FAM171B: variants seen among roughly 807,000 people sequenced by gnomAD.
FAM171B encodes protein FAM171B.
FAM171B carries 19 observed loss-of-function variants against 75.6 expected under a neutral mutation model. The observed-to-expected ratio is 0.25, with a 90% confidence interval of 0.18 to 0.37. The LOEUF (loss-of-function observed/expected upper bound fraction) is 0.37. FAM171B is among the 10% of genes least tolerant of loss of function. FAM171B has a pLI of 1.00. For synonymous variants in FAM171B, 367 were observed against 361.7 expected (o/e 1.01, Z -0.17); for missense variants, 848 against 982.4 (o/e 0.86, Z 1.83).
chr2:186,756,568 C>A (rs1270585912), intron 6 of FAM171B, among the ~76,000 whole-genome samples: 1 of 152,168 alleles, frequency 6.6e-6, no homozygotes, highest in Non-Finnish European at 1.5e-5. Context: ...CTCTTCCTGG[C>A]TTCTAGATGG....
At chr2:186,711,061 TTTAA>T (rs1689803820) in intron 1 of FAM171B, among the ~76,000 whole-genome samples, 1 of 152,150 alleles carries the variant, frequency 6.6e-6, no homozygotes, top group Non-Finnish European at 1.5e-5. Context: ...ACTAAAAACT[TTTAA>T]ATAAGTGATG....
At position 186,751,304 on chromosome 2, in the gene FAM171B, G is replaced by A. The variant is rs770694885; in HGVS notation, c.895G>A (p.Gly299Ser). 2 of 1,558,048 alleles carry A rather than the reference G, an allele frequency of 1.3e-6. No homozygotes were observed. Among genetic ancestry groups the A allele is most frequent in the South Asian group, 2.4e-5 (2 of 81,714 alleles). Residue 299 changes from glycine to serine, a missense_variant and splice_region_variant, in exon 5 of 8, where the codon GGT (glycine) becomes AGT (serine). Transcript: ENST00000304698. ...TGCTTGGACATTTGATATGAACACA[G>A]GTATGTGAGCTAGGTTAAAATAGTC... Reference protein sequence around the residue: ...IPAWTFDMNTGAWVNHGRGMV... With the variant: ...IPAWTFDMNTSAWVNHGRGMV...
chr2:186,735,375 C>G (rs913915657), intron 1 of FAM171B, among the ~76,000 whole-genome samples: 15 of 152,260 alleles, frequency 9.9e-5, no homozygotes, highest in South Asian at 2.1e-4. Context: ...ATTAAAAAAC[C>G]TGAAAAGACA....
At chr2:186,750,129 A>G (rs994771802) in intron 4 of FAM171B, among the ~76,000 whole-genome samples, 3 of 152,216 alleles carry the variant, frequency 2.0e-5, no homozygotes, top group Non-Finnish European at 4.4e-5. Flanking sequence ...AAAAGTGTAG[A>G]CCAAAAGCAA....
Position 186,751,150 on chromosome 2 carries a change from A to G in FAM171B, c.741A>G (p.Glu247=), listed in dbSNP as rs1200883557. ...CTTTTATAGGTTTTGAAAACATTGA[A>G]TTGACTCCTCTTGCTGCAATATGTG... The part of the protein sequence containing the change: ...TLNKPGFENI[E]LTPLAAICVK... Residue 247 remains glutamate, a synonymous_variant, in exon 5 of 8, where the codon GAA becomes GAG. Coordinates refer to ENST00000304698, the MANE Select transcript of FAM171B (RefSeq NM_177454.4). 1 of 1,603,292 alleles carries G rather than the reference A, an allele frequency of 6.2e-7. No individual in the cohort carries two copies. Among genetic ancestry groups the G allele is most frequent in the South Asian group, 1.1e-5 (1 of 89,664 alleles).
At chr2:186,710,765 A>G (rs372667830) in intron 1 of FAM171B, among the ~76,000 whole-genome samples, 80 of 152,306 alleles carry the variant, frequency 5.3e-4, no homozygotes, top group African/African-American at 1.9e-3. Context: ...AATTGTTTAT[A>G]ATGAATACTT....
At chr2:186,724,242 A>G (rs1368468609) in intron 1 of FAM171B, among the ~76,000 whole-genome samples, 1 of 152,160 alleles carries the variant, frequency 6.6e-6, no homozygotes, top group Non-Finnish European at 1.5e-5. Context: ...GATATTTTAT[A>G]TATCTGGAGC....
intron 1 of FAM171B, among the ~76,000 whole-genome samples, chr2:186,695,582 G>T (rs184951000): frequency 1.6e-4 from 24 of 152,288 alleles, no homozygotes. Flanking sequence ...AGGCATGCCA[G>T]CTGCGATTCA....
intron 1 of FAM171B, among the ~76,000 whole-genome samples, chr2:186,732,343 TTAG>T (rs1008341319): frequency 3.3e-5 from 5 of 152,144 alleles, no homozygotes; most frequent in Non-Finnish European, 5.9e-5. Flanking sequence ...TTGAGTTAAT[TTAG>T]TAGTGTCACC....
At chr2:186,736,035 A>C (rs1690194246) in intron 1 of FAM171B, among the ~76,000 whole-genome samples, 2 of 152,206 alleles carry the variant, frequency 1.3e-5, no homozygotes, top group Non-Finnish European at 2.9e-5. Context: ...TCTCTGTATC[A>C]CCTTGGAATC....
intron 1 of FAM171B, among the ~76,000 whole-genome samples, chr2:186,717,106 C>T (rs1428572952): frequency 1.3e-5 from 2 of 152,116 alleles, no homozygotes; most frequent in African/African-American, 4.8e-5. Context: ...ATAGACTATA[C>T]AGCCTCTCTG....
intron 6 of FAM171B, 115 bp from the exon 7 acceptor site, chr2:186,760,998 G>T: frequency 9.2e-7 from 1 of 1,090,838 alleles, no homozygotes; most frequent in South Asian, 1.8e-5. Context: ...TCATAGGAGG[G>T]GGGCAAACAA....
intron 2 of FAM171B, among the ~76,000 whole-genome samples, chr2:186,741,409 T>G (rs1690286600): frequency 6.6e-6 from 1 of 152,016 alleles, no homozygotes; most frequent in Admixed American, 6.6e-5. Context: ...AAAAAGCAAC[T>G]GAGGTTGGAA....
Position 186,761,881 on chromosome 2 carries a change from G to T in FAM171B, c.1539G>T (p.Arg513Ser), listed in dbSNP as rs756456285. Reference protein sequence around the residue: ...SSLGDAQDEKRYLTGNEEAYG... With the variant: ...SSLGDAQDEKSYLTGNEEAYG... ...TAGGTGATGCTCAAGATGAAAAGAG[G>T]TATCTCACAGGTAATGAGGAGGCGT... The change falls in exon 8 of 8, where the codon AGG (arginine) becomes AGT (serine). Residue 513 changes from arginine (R) to serine (S), a missense_variant. Transcript: ENST00000304698. The T allele has an allele frequency of 1.2e-6, 2 of 1,613,098 alleles. No homozygotes were observed. The highest frequency in any genetic ancestry group is 8.5e-7 in the Non-Finnish European group (1 of 1,179,710).
chr2:186,694,655 C>T (rs1295440002), intron 1 of FAM171B, among the ~76,000 whole-genome samples: 2 of 151,246 alleles, frequency 1.3e-5, no homozygotes, highest in African/African-American at 4.9e-5. Context: ...GGAGAGGGGT[C>T]GGGAAGGCTG....
At chr2:186,701,256 C>T (rs1001428997) in intron 1 of FAM171B, among the ~76,000 whole-genome samples, 2 of 152,072 alleles carry the variant, frequency 1.3e-5, no homozygotes, top group African/African-American at 4.8e-5. Flanking sequence ...TATATTATAA[C>T]AACATGATAT....
chr2:186,747,319 A>G (rs1690379154), intron 4 of FAM171B, 69 bp downstream of exon 4: 1 of 1,101,504 alleles, frequency 9.1e-7, no homozygotes, highest in Admixed American at 3.2e-5. Flanking sequence ...TCAAATATTT[A>G]GCTATCTATA....
At chr2:186,701,175 C>T (rs142460429) in intron 1 of FAM171B, among the ~76,000 whole-genome samples, 3,282 of 152,188 alleles carry the variant, frequency 0.022, 46 homozygotes, top group Non-Finnish European at 0.033. Flanking sequence ...CCCACCTCAG[C>T]CTCCCAAAAT....
chr2:186,761,543 G>A lies in FAM171B; in HGVS notation c.1201G>A (p.Asp401Asn), dbSNP rs777451236. The A allele has an allele frequency of 1.9e-6, 3 of 1,607,600 alleles. No individual in the cohort carries two copies. The highest frequency in any genetic ancestry group is 2.7e-5 in the African/African-American group (2 of 74,588). ...CACTAAACTTGAGGTCCTCAAGAGA[G>A]ACCAGACAACTTCAACAACACACAT... ...NITKLEVLKRDQTTSTTHINH... is the reference protein window; with the variant it reads ...NITKLEVLKRNQTTSTTHINH... The change falls in exon 8 of 8, where the codon GAC becomes AAC. Residue 401 changes from aspartate to asparagine, a missense_variant. Coordinates refer to ENST00000304698, the MANE Select transcript of FAM171B (RefSeq NM_177454.4).
Sources: gnomAD v4.1 joint callset for allele counts (sites outside exome capture counted in the v4.1 genomes callset) on GRCh38, gnomAD v4.1.1 for gene constraint, MANE v1.5 for transcripts, NCBI Gene and HGNC (gene_info 2026-07-23, HGNC 2026-07-21) for gene names.